The following TTC21B variants were observed in gnomAD, a reference collection of about 807,000 sequenced individuals.
TTC21B encodes the protein tetratricopeptide repeat domain 21B, also known as tetratricopeptide repeat protein 21B.
Under a neutral mutation model 175.1 loss-of-function variants are expected in TTC21B, and 127 were observed. The observed-to-expected ratio is 0.73, with a 90% CI of 0.63 to 0.84. The LOEUF is 0.84. TTC21B is among the 40% of genes least tolerant of loss of function. The pLI, the probability that TTC21B is intolerant of heterozygous loss-of-function variation, is 0.00. For synonymous variants in TTC21B, 524 were observed against 524.5 expected (o/e 1.00, Z 0.01); for missense variants, 1,561 against 1,558.3 (o/e 1.00, Z -0.03).
At position 165,953,508 on chromosome 2, in the gene TTC21B, G is replaced by A. The variant is rs116502006; in HGVS notation, c.21+177C>T. On this transcript the variant is annotated intron_variant, in intron 1 of 28. Coordinates refer to ENST00000243344, the MANE Select transcript of TTC21B (RefSeq NM_024753.5). ...CTGGGCTTCCCCAGCAGGGCCCGCG[G>A]AGACCGGCCGTGAGCAGAGGCTGCA... Among the ~76,000 whole-genome samples the A allele has an allele frequency of 0.027, 4,143 of 152,326 alleles. 214 individuals carry two copies. Among genetic ancestry groups the A allele is most frequent in the African/African-American group, 0.095 (3,953 of 41,568 alleles).
intron 12 of TTC21B, among the ~76,000 whole-genome samples, chr2:165,922,011 G>A (rs943600722): frequency 2.6e-5 from 4 of 151,616 alleles, no homozygotes; most frequent in Admixed American, 6.6e-5. Context: ...AAAGTCCATT[G>A]TATCATTCTT....
In TTC21B at chr2:165,890,926, C is replaced by T. The variant is rs776868964; in HGVS notation, c.3013G>A (p.Val1005Ile). ...TCAGCCATTGAGAAAAATCTTGGGA[C>T]ATCCTCGAGTTTTCCACATCTTCTT... ...LLRRCGKLED[V>I]PRFFSMAEKR... The change falls in exon 23 of 29, where the codon GTC becomes ATC. Residue 1005 changes from valine (V) to isoleucine (I), a missense_variant. Physicochemically the swap from Val to Ile is conservative, Grantham distance 29. Transcript: ENST00000243344. 2 of 1,613,196 alleles carry T rather than the reference C, an allele frequency of 1.2e-6. No homozygotes were observed. The highest frequency in any genetic ancestry group is 1.3e-5 in the African/African-American group (1 of 74,976).
chr2:165,895,432 C>T (rs1685331024), intron 22 of TTC21B, among the ~76,000 whole-genome samples: 1 of 147,470 alleles, frequency 6.8e-6, no homozygotes, highest in Admixed American at 7.0e-5. Context: ...TGAGATTCTT[C>T]AAATCTTAGA....
At chr2:165,932,905 A>G in intron 7 of TTC21B, 68 bp downstream of exon 7, 1 of 1,302,968 alleles carries the variant, frequency 7.7e-7, no homozygotes, top group South Asian at 1.2e-5. Context: ...ACATGCACAC[A>G]TGGGTGTGTA....
At chr2:165,890,730 GAATT>G in intron 23 of TTC21B, 90 bp from the exon 24 acceptor site, 1 of 1,538,316 alleles carries the variant, frequency 6.5e-7, no homozygotes, top group Non-Finnish European at 8.9e-7. Context: ...TAAAACTGTT[GAATT>G]ATTTTGAAAT....
chr2:165,907,612 C>A (rs963219073), intron 19 of TTC21B, 66 bp downstream of exon 19: 8 of 1,035,454 alleles, frequency 7.7e-6, no homozygotes, highest in Non-Finnish European at 1.2e-5. Flanking sequence ...TCCTCTTATA[C>A]ATGGCATATT....
intron 25 of TTC21B, among the ~76,000 whole-genome samples, chr2:165,884,893 C>CT (rs1191791215): frequency 6.6e-6 from 1 of 152,168 alleles, no homozygotes; most frequent in African/African-American, 2.4e-5. Flanking sequence ...GCTTAACATA[C>CT]AAATAAAGGG....
chr2:165,911,668 A>ATAT (rs1553510448), intron 17 of TTC21B, among the ~76,000 whole-genome samples: 1 of 134,732 alleles, frequency 7.4e-6, no homozygotes, highest in Non-Finnish European at 1.6e-5. Context: ...ATATATATAT[A>ATAT]TTTTTTTTTT....
chr2:165,891,602 CAT>C (rs1685197111), intron 22 of TTC21B, among the ~76,000 whole-genome samples: 1 of 151,954 alleles, frequency 6.6e-6, no homozygotes, highest in African/African-American at 2.4e-5. Context: ...TTCATTCATT[CAT>C]TCATTCATTC....
intron 12 of TTC21B, among the ~76,000 whole-genome samples, chr2:165,922,296 C>T (rs889981360): frequency 2.6e-5 from 4 of 151,748 alleles, no homozygotes; most frequent in Admixed American, 2.0e-4. Context: ...TAAAACAACC[C>T]TCTGACATCA....
chr2:165,924,721 T>C, intron 11 of TTC21B, 43 bp from the exon 12 acceptor site: 2 of 1,570,092 alleles, frequency 1.3e-6, no homozygotes, highest in Non-Finnish European at 1.7e-6. Flanking sequence ...AGTGTAAAAA[T>C]AATATTTACC....
chr2:165,874,858 A>C (rs765070296), intron 28 of TTC21B, 26 bp from the exon 29 acceptor site: 3 of 1,604,494 alleles, frequency 1.9e-6, no homozygotes, highest in South Asian at 1.1e-5. Flanking sequence ...AGAACCCATA[A>C]AAACTTGTAA....
chr2:165,915,555 C>A, intron 14 of TTC21B, 116 bp from the exon 15 acceptor site: 1 of 936,206 alleles, frequency 1.1e-6, no homozygotes, highest in Non-Finnish European at 1.7e-6. Context: ...ATAATATTTA[C>A]GAAATAAATT....
chr2:165,890,675 T>A (rs1374408107), intron 23 of TTC21B, 35 bp from the exon 24 acceptor site: 1 of 1,599,564 alleles, frequency 6.3e-7, no homozygotes, highest in African/African-American at 1.3e-5. Context: ...TTTATTTCAA[T>A]CACTGACTAC....
chr2:165,932,919 GTAATGAAATA>G (rs1482786048), intron 7 of TTC21B, 44 bp downstream of exon 7: 4 of 1,465,182 alleles, frequency 2.7e-6, no homozygotes, highest in Non-Finnish European at 2.9e-6. Context: ...GTGTGTATGT[GTAATGAAATA>G]TATTTTTTAA....
intron 12 of TTC21B, among the ~76,000 whole-genome samples, chr2:165,921,176 G>A (rs969823096): frequency 1.3e-5 from 2 of 152,164 alleles, no homozygotes; most frequent in South Asian, 2.1e-4. Context: ...CCAACCCTGT[G>A]ATTAGAGGGT....
intron 1 of TTC21B, among the ~76,000 whole-genome samples, chr2:165,952,583 T>C (rs1687791404): frequency 6.6e-6 from 1 of 152,220 alleles, no homozygotes; most frequent in Non-Finnish European, 1.5e-5. Flanking sequence ...CATTTTTACA[T>C]TTTACATTAA....
intron 26 of TTC21B, among the ~76,000 whole-genome samples, chr2:165,881,940 T>C (rs1478857224): frequency 1.3e-5 from 2 of 152,134 alleles, no homozygotes; most frequent in African/African-American, 4.8e-5. Context: ...ATTAAAACCA[T>C]TACCAATTAC....
chr2:165,911,668 ATTT>A (rs1167955966), intron 17 of TTC21B, among the ~76,000 whole-genome samples: 1 of 134,732 alleles, frequency 7.4e-6, no homozygotes. Flanking sequence ...ATATATATAT[ATTT>A]TTTTTTTTTG....
Sources: gnomAD v4.1 joint callset for allele counts (sites outside exome capture counted in the v4.1 genomes callset) on GRCh38, gnomAD v4.1.1 for gene constraint, MANE v1.5 for transcripts, NCBI Gene and HGNC (gene_info 2026-07-23, HGNC 2026-07-21) for gene names.